AMBRA1: variants seen among roughly 807,000 people sequenced by gnomAD.
The protein encoded by AMBRA1 is activating molecule in BECN1-regulated autophagy protein 1.
AMBRA1 carries 47 observed loss-of-function variants against 125.4 expected under a neutral mutation model. The observed-to-expected ratio is 0.37, with a 90% CI of 0.30 to 0.48. The LOEUF (loss-of-function observed/expected upper bound fraction) is 0.48. AMBRA1 is among the 20% of genes least tolerant of loss of function. The pLI, the probability that AMBRA1 is intolerant of heterozygous loss-of-function variation, is 0.99. For missense variants in AMBRA1, 1,331 were observed against 1,693.4 expected (o/e 0.79, Z 3.76); for synonymous variants, 626 against 655.5 (o/e 0.95, Z 0.69).
chr11:46,459,733 TACACATACAC>T (rs1273096823), intron 11 of AMBRA1, among the ~76,000 whole-genome samples: 264 of 115,524 alleles, frequency 2.3e-3, no homozygotes, highest in African/African-American at 0.01. Flanking sequence ...AAAAAAAAAA[TACACATACAC>T]ACACACACAC....
At chr11:46,563,066 GAA>G (rs146518010) in intron 1 of AMBRA1, among the ~76,000 whole-genome samples, 5,684 of 152,170 alleles carry the variant, frequency 0.037, 366 homozygotes, top group African/African-American at 0.13. Flanking sequence ...CCAATGTGCT[GAA>G]ACTACCGTGC....
intron 7 of AMBRA1, among the ~76,000 whole-genome samples, chr11:46,525,418 C>CA: frequency 6.6e-6 from 1 of 151,918 alleles, no homozygotes; most frequent in East Asian, 1.9e-4. Context: ...GCCAAAGTGG[C>CA]AAAACCCTGT....
chr11:46,448,781 AC>A (rs1948436992), intron 11 of AMBRA1, among the ~76,000 whole-genome samples: 1 of 152,180 alleles, frequency 6.6e-6, no homozygotes, highest in African/African-American at 2.4e-5. Flanking sequence ...GATCCCATGG[AC>A]ACCAAAAGGA....
chr11:46,411,099 C>CAAA (rs59903160), intron 15 of AMBRA1, among the ~76,000 whole-genome samples: 8 of 60,164 alleles, frequency 1.3e-4, no homozygotes, highest in Non-Finnish European at 1.9e-4. Context: ...GACTCTGTCT[C>CAAA]AAAAAAAAAA....
intron 14 of AMBRA1, among the ~76,000 whole-genome samples, chr11:46,427,498 A>G (rs575467046): frequency 1.3e-5 from 2 of 152,358 alleles, no homozygotes; most frequent in South Asian, 4.1e-4. Context: ...CCTACAGCCC[A>G]TGGTTCGTTC....
intron 1 of AMBRA1, among the ~76,000 whole-genome samples, chr11:46,580,229 C>T (rs1044384879): frequency 3.9e-5 from 6 of 152,202 alleles, no homozygotes; most frequent in African/African-American, 1.4e-4. Flanking sequence ...CAAGCTCTTA[C>T]ATTTTCTCTT....
chr11:46,451,904 T>A (rs183992549), intron 11 of AMBRA1: 7 of 149,552 alleles, frequency 4.7e-5, no homozygotes, highest in African/African-American at 1.7e-4. Context: ...GAAAAACTTA[T>A]CAACTTTTCA....
At chr11:46,407,681 G>A (rs890849430) in intron 17 of AMBRA1, among the ~76,000 whole-genome samples, 4 of 152,210 alleles carry the variant, frequency 2.6e-5, no homozygotes, top group Non-Finnish European at 4.4e-5. Context: ...TGGGGACTGC[G>A]GTGTAGAAAG....
chr11:46,532,347 G>T (rs191240741), intron 7 of AMBRA1, among the ~76,000 whole-genome samples: 7 of 152,242 alleles, frequency 4.6e-5, no homozygotes, highest in Middle Eastern at 3.4e-3. Context: ...TAAAACAAAA[G>T]TTTTTCTCAA....
chr11:46,575,085 C>T (rs2043907513), intron 1 of AMBRA1, among the ~76,000 whole-genome samples: 1 of 152,112 alleles, frequency 6.6e-6, no homozygotes, highest in South Asian at 2.1e-4. Flanking sequence ...CTAGCATAAA[C>T]AAACCTAATA....
intron 7 of AMBRA1, among the ~76,000 whole-genome samples, chr11:46,529,204 T>C (rs988277524): frequency 2.0e-5 from 3 of 152,188 alleles, no homozygotes; most frequent in Non-Finnish European, 2.9e-5. Context: ...TCCATTTACA[T>C]AGTCCAAAAG....
intron 7 of AMBRA1, among the ~76,000 whole-genome samples, chr11:46,525,216 C>T (rs938199278): frequency 1.3e-5 from 2 of 152,028 alleles, no homozygotes; most frequent in African/African-American, 4.8e-5. Flanking sequence ...CAAGAGGATT[C>T]CTTGGGCCAT....
At chr11:46,416,573 A>C (rs1946556497) in intron 15 of AMBRA1, among the ~76,000 whole-genome samples, 1 of 152,176 alleles carries the variant, frequency 6.6e-6, no homozygotes, top group Non-Finnish European at 1.5e-5. Flanking sequence ...CTCAATCAGC[A>C]CTTCCCTACC....
rs151304308 is a variant in AMBRA1 at position 46,400,331 on chromosome 11, C to T, written c.3404-2388G>A. Among the ~76,000 whole-genome samples the T allele has an allele frequency of 3.4e-3, 516 of 152,122 alleles. 1 individual carries two copies. Among genetic ancestry groups the T allele is most frequent in the Admixed American group, 5.6e-3 (86 of 15,278 alleles). ...CTTTCTTTGCTCCCCTAACCCCATC[C>T]ATCCCCTTCTCTCTGCCTGCCTCAT... is the stretch of plus-strand genomic sequence containing the variant. On this transcript the variant is annotated intron_variant, in intron 17 of 17. Transcript: ENST00000683756.
chr11:46,513,602 G>A (rs1159005445), intron 7 of AMBRA1, among the ~76,000 whole-genome samples: 1 of 152,104 alleles, frequency 6.6e-6, no homozygotes, highest in Non-Finnish European at 1.5e-5. Flanking sequence ...ACTATTAAGA[G>A]ATAGTAACAG....
chr11:46,406,255 T>C (rs1946013749), intron 17 of AMBRA1, among the ~76,000 whole-genome samples: 1 of 150,908 alleles, frequency 6.6e-6, no homozygotes, highest in Non-Finnish European at 1.5e-5. Flanking sequence ...CGTTTCACCA[T>C]GTTGGCCAGC....
chr11:46,442,300 A>G, intron 12 of AMBRA1, among the ~76,000 whole-genome samples: 1 of 151,494 alleles, frequency 6.6e-6, no homozygotes, highest in African/African-American at 2.4e-5. Context: ...GCACCACCAC[A>G]CTCAGCTAAT....
chr11:46,556,041 A>C (rs1342805447), intron 1 of AMBRA1, among the ~76,000 whole-genome samples: 5 of 152,248 alleles, frequency 3.3e-5, no homozygotes, highest in Non-Finnish European at 5.9e-5. Flanking sequence ...TTTAAATACT[A>C]ATTCTAAGAC....
intron 14 of AMBRA1, 107 bp from the exon 15 acceptor site, chr11:46,418,159 G>T (rs1440213389): frequency 2.8e-6 from 3 of 1,082,670 alleles, no homozygotes; most frequent in Non-Finnish European, 3.7e-6. Context: ...AAAGGAGGTG[G>T]TTAGGCTGGG....
Sources: gnomAD v4.1 joint callset for allele counts (sites outside exome capture counted in the v4.1 genomes callset) on GRCh38, gnomAD v4.1.1 for gene constraint, MANE v1.5 for transcripts, NCBI Gene and HGNC (gene_info 2026-07-23, HGNC 2026-07-21) for gene names.